CYP3A5: variants seen among roughly 807,000 people sequenced by gnomAD.
The protein encoded by CYP3A5 is cytochrome P450 3A5.
CYP3A5 carries 51 observed loss-of-function variants against 55.9 expected under a neutral mutation model. The ratio of observed to expected loss-of-function variants is 0.91; its 90% CI spans 0.73 to 1.15. The LOEUF (loss-of-function observed/expected upper bound fraction) is 1.15, where lower values mean the gene tolerates loss of function less well. Ranked by LOEUF, CYP3A5 falls within the 50% of genes most tolerant of loss-of-function variation. The pLI is 0.00. For synonymous variants in CYP3A5, 196 were observed against 213.9 expected (o/e 0.92, Z 0.73); for missense variants, 533 against 596.6 (o/e 0.89, Z 1.11).
At chr7:99,660,182 T>C (rs1204550265) in intron 10 of CYP3A5, 1 of 983,034 alleles carries the variant, frequency 1.0e-6, no homozygotes, top group Non-Finnish European at 1.2e-6. Context: ...AGACTGGAGC[T>C]GTTCCTGTTT....
chr7:99,676,987 T>G (rs969303583), intron 1 of CYP3A5, among the ~76,000 whole-genome samples: 2 of 152,206 alleles, frequency 1.3e-5, no homozygotes, highest in African/African-American at 4.8e-5. Flanking sequence ...CAACTAATAC[T>G]TCTCAGGTCA....
rs780390510 is a variant in CYP3A5, at chr7:99,650,183, C to T, written c.1303G>A (p.Gly435Arg). The change falls in exon 12 of 13, where the codon GGA becomes AGA. Residue 435 changes from glycine (G) to arginine (R), a missense_variant. Physicochemically the swap from Gly to Arg is moderately radical, Grantham distance 125. Transcript: ENST00000222982. ...SIDPYIYTPFGTGPRNCIGMR... is the reference protein window; with the variant it reads ...SIDPYIYTPFRTGPRNCIGMR... ...CCAATGCAGTTTCTGGGTCCAGTTC[C>T]AAAGGGTGTGTATATGTAAGGATCT... is the stretch of plus-strand genomic sequence containing the variant. 2.2e-5 allele frequency: 35 copies of T among 1,613,926 alleles called. No individual in the cohort carries two copies. The Admixed American group carries it at 5.8e-4, about 27-fold the overall frequency.
At chr7:99,660,388 T>C in intron 10 of CYP3A5, 111 bp downstream of exon 10, 2 of 1,478,420 alleles carry the variant, frequency 1.4e-6, no homozygotes, top group South Asian at 1.4e-5. Flanking sequence ...ATTATGTCAG[T>C]GAAGGAATCA....
Position 99,679,901 on chromosome 7 carries a change from A to G in CYP3A5, c.-5T>C, listed in dbSNP as rs1812673639. Reference sequence around the variant, plus strand: ...CAAATTTGGGATGAGGTCCATCGCCACTTTCCTTCTTCAACTGTGTTCTGT... The same window carrying G: ...CAAATTTGGGATGAGGTCCATCGCCGCTTTCCTTCTTCAACTGTGTTCTGT... On this transcript the variant is annotated 5_prime_UTR_variant, in exon 1 of 13. Transcript: ENST00000222982. 5 of 1,613,668 alleles carry G rather than the reference A, an allele frequency of 3.1e-6. No homozygotes were observed. The highest frequency in any genetic ancestry group is 1.3e-5 in the African/African-American group (1 of 74,904).
intron 10 of CYP3A5, among the ~76,000 whole-genome samples, chr7:99,655,216 A>C (rs1344561449): frequency 6.6e-6 from 1 of 152,202 alleles, no homozygotes; most frequent in African/African-American, 2.4e-5. Context: ...TTTTAGGTCT[A>C]ACATGTAAGT....
At chr7:99,651,136 G>T (rs546817400) in intron 11 of CYP3A5, among the ~76,000 whole-genome samples, 5 of 152,240 alleles carry the variant, frequency 3.3e-5, no homozygotes, top group African/African-American at 1.2e-4. Context: ...TTTGGATGGG[G>T]CAGCTAACAT....
chr7:99,665,459 A>C, intron 6 of CYP3A5, 145 bp from the exon 7 acceptor site: 1 of 1,229,064 alleles, frequency 8.1e-7, no homozygotes, highest in Non-Finnish European at 1.2e-6. Flanking sequence ...TCTTCCATCT[A>C]CTCCCTCAGA....
chr7:99,664,177 T>A, intron 7 of CYP3A5, 82 bp from the exon 8 acceptor site: 2 of 1,126,006 alleles, frequency 1.8e-6, no homozygotes, highest in Non-Finnish European at 2.6e-6. Context: ...TCTCTACCAG[T>A]AATAAGAATA....
intron 8 of CYP3A5, chr7:99,663,378 G>A (rs1172728902): frequency 3.0e-6 from 3 of 991,104 alleles, no homozygotes; most frequent in Non-Finnish European, 3.6e-6. Flanking sequence ...TGGGTTACCT[G>A]GTCCTGTCTC....
chr7:99,661,020 G>A (rs28365080), intron 9 of CYP3A5, among the ~76,000 whole-genome samples: 4,477 of 152,206 alleles, frequency 0.029, 215 homozygotes, highest in African/African-American at 0.1. Context: ...GTAAATATGG[G>A]GTAGGCTTTT....
chr7:99,654,167 G>T (rs1371400465), intron 10 of CYP3A5, among the ~76,000 whole-genome samples: 1 of 151,926 alleles, frequency 6.6e-6, no homozygotes, highest in Non-Finnish European at 1.5e-5. Context: ...TGCCATGTTG[G>T]TGTGCTGCAC....
At chr7:99,679,224 A>C (rs189730303) in intron 1 of CYP3A5, among the ~76,000 whole-genome samples, 2 of 151,892 alleles carry the variant, frequency 1.3e-5, no homozygotes, top group Non-Finnish European at 2.9e-5. Flanking sequence ...CATAGGAGGG[A>C]GGGGATTTTC....
chr7:99,669,260 A>G (rs951920077), intron 4 of CYP3A5, among the ~76,000 whole-genome samples: 19 of 152,216 alleles, frequency 1.2e-4, no homozygotes, highest in African/African-American at 4.3e-4. Flanking sequence ...AAAGACTACA[A>G]TTTGAAGAGG....
At chr7:99,652,097 G>A (rs977823636) in intron 11 of CYP3A5, among the ~76,000 whole-genome samples, 1 of 151,540 alleles carries the variant, frequency 6.6e-6, no homozygotes, top group Non-Finnish European at 1.5e-5. Context: ...AAAACAGAAA[G>A]GAATAAAAAG....
chr7:99,673,099 C>T (rs1246886801), intron 3 of CYP3A5, among the ~76,000 whole-genome samples: 1 of 152,152 alleles, frequency 6.6e-6, no homozygotes, highest in Non-Finnish European at 1.5e-5. Context: ...GGTAAATCAT[C>T]AAGTGCTCAC....
chr7:99,660,599 G>T lies in CYP3A5; in HGVS notation c.926C>A (p.Thr309Asn), dbSNP rs766695006. 1.2e-5 allele frequency: 20 copies of T among 1,613,858 alleles called. No individual in the cohort carries two copies. Among genetic ancestry groups the T allele is most frequent in the Non-Finnish European group, 1.6e-5 (19 of 1,179,964 alleles). The change falls in exon 10 of 13, where the codon ACC becomes AAC. Residue 309 changes from threonine to asparagine, a missense_variant. Physicochemically the swap from Thr to Asn is moderately conservative, Grantham distance 65 (BLOSUM62 0). Coordinates refer to ENST00000222982, the MANE Select transcript of CYP3A5 (RefSeq NM_000777.5). ...AGTGAAGGAAAGAACACTGCTGGTG[G>T]TTTCATAGCCAGCAAAAATGAAGAT... ...SIIFIFAGYE[T>N]TSSVLSFTLY... is the part of the protein sequence containing the mutation.
intron 10 of CYP3A5, among the ~76,000 whole-genome samples, chr7:99,658,458 G>A (rs988331817): frequency 1.3e-5 from 2 of 152,092 alleles, no homozygotes; most frequent in African/African-American, 4.8e-5. Flanking sequence ...TCCACTGTTA[G>A]TCTGATGGGT....
Position 99,648,399 on chromosome 7 carries a change from A to T in CYP3A5, c.1415T>A (p.Ile472Asn). 6.2e-7 allele frequency: 1 copy of T among 1,609,782 alleles called. No homozygotes were observed. The highest frequency in any genetic ancestry group is 8.5e-7 in the Non-Finnish European group (1 of 1,177,002). ...FSFKPCKETQ[I>N]PLKLDTQGLL... ...TCCTTGCGTGTCTAATTTCAAGGGGATCTACAATAGTTAAACAAGCATATG... is the reference window on the plus strand; with the variant it reads ...TCCTTGCGTGTCTAATTTCAAGGGGTTCTACAATAGTTAAACAAGCATATG... The change falls in exon 13 of 13, where the codon ATC becomes AAC. Residue 472 changes from isoleucine to asparagine, a missense_variant and splice_region_variant. Ile to Asn is a moderately radical substitution (Grantham distance 149, BLOSUM62 -3). Transcript: ENST00000222982.
intron 3 of CYP3A5, 197 bp downstream of exon 3, chr7:99,674,336 T>C (rs951791881): frequency 2.2e-6 from 1 of 464,482 alleles, no homozygotes; most frequent in Admixed American, 4.0e-5. Flanking sequence ...TTGCACATAG[T>C]TTATAACGGC....
Sources: gnomAD v4.1 joint callset for allele counts (sites outside exome capture counted in the v4.1 genomes callset) on GRCh38, gnomAD v4.1.1 for gene constraint, MANE v1.5 for transcripts, NCBI Gene and HGNC (gene_info 2026-07-23, HGNC 2026-07-21) for gene names.